Variants in BIN3 observed in about 807,000 individuals in gnomAD.
BIN3 encodes bridging integrator 3.
BIN3 carries 41 observed loss-of-function variants against 38.2 expected under a neutral mutation model. The observed-to-expected ratio is 1.07, with a 90% CI of 0.84 to 1.39. The LOEUF (loss-of-function observed/expected upper bound fraction) is 1.39, where lower values mean the gene tolerates loss of function less well. BIN3 is among the 40% of genes most tolerant of loss of function. The probability of loss-of-function intolerance (pLI) is 0.00; values close to 1 mark genes in which losing one functional copy is unlikely to be tolerated. For synonymous variants in BIN3, 145 were observed against 122.6 expected (o/e 1.18, Z -1.21); for missense variants, 361 against 324.3 (o/e 1.11, Z -0.87).
At chr8:22,648,136 CA>C (rs55869105) in intron 1 of BIN3, among the ~76,000 whole-genome samples, 4,975 of 102,262 alleles carry the variant, frequency 0.049, 288 homozygotes, top group African/African-American at 0.18. Context: ...CTCCGTCTCT[CA>C]AAAAAAAAAA....
intron 2 of BIN3, among the ~76,000 whole-genome samples, chr8:22,637,613 C>T (rs1487520186): frequency 6.6e-6 from 1 of 152,174 alleles, no homozygotes; most frequent in Non-Finnish European, 1.5e-5. Flanking sequence ...GTCCTGAACC[C>T]GGGGCTGCAC....
At chr8:22,626,400 C>G (rs1802005422) in intron 6 of BIN3, 1 of 152,318 alleles carries the variant, frequency 6.6e-6, no homozygotes, top group Admixed American at 6.5e-5. Flanking sequence ...AGCCCTGCCC[C>G]CTTCCTGGGC....
At chr8:22,645,588 G>A (rs1305250051) in intron 1 of BIN3, among the ~76,000 whole-genome samples, 1 of 134,756 alleles carries the variant, frequency 7.4e-6, no homozygotes, top group Admixed American at 6.9e-5. Context: ...GAGGATGGCA[G>A]GAAAGGGAAG....
chr8:22,658,271 A>G (rs544143669), intron 1 of BIN3, among the ~76,000 whole-genome samples: 42 of 152,106 alleles, frequency 2.8e-4, no homozygotes, highest in Non-Finnish European at 5.3e-4. Flanking sequence ...CCACCGCAAA[A>G]AAGAAAAAAA....
At chr8:22,655,788 T>C (rs1803040264) in intron 1 of BIN3, among the ~76,000 whole-genome samples, 1 of 152,202 alleles carries the variant, frequency 6.6e-6, no homozygotes, top group South Asian at 2.1e-4. Context: ...TTTTTTATAT[T>C]TAAATCTTTG....
chr8:22,663,591 C>T, intron 1 of BIN3, among the ~76,000 whole-genome samples: 1 of 152,154 alleles, frequency 6.6e-6, no homozygotes, highest in Non-Finnish European at 1.5e-5. Flanking sequence ...CAAAAGCCTT[C>T]AATTTCCAAA....
intron 8 of BIN3, 97 bp from the exon 9 acceptor site, chr8:22,621,665 A>C (rs749277041): frequency 4.9e-4 from 634 of 1,284,690 alleles, no homozygotes; most frequent in Non-Finnish European, 6.2e-4. Context: ...CCCTGCCCTT[A>C]CCCATCTGGA....
intron 4 of BIN3, 132 bp downstream of exon 4, chr8:22,636,393 G>T: frequency 1.1e-6 from 1 of 885,450 alleles, no homozygotes; most frequent in Non-Finnish European, 1.8e-6. Flanking sequence ...CTGCCCTGAG[G>T]CTGCTTCTCA....
chr8:22,639,883 C>T lies in BIN3; in HGVS notation c.58-2921G>A, dbSNP rs191993876. Reference sequence around the variant, plus strand: ...ACACTTTTTTTTTTTTCTTTTGAGGCGGAGTTTCGCTCTTGTCACCCAGGC... The same window carrying T: ...ACACTTTTTTTTTTTTCTTTTGAGGTGGAGTTTCGCTCTTGTCACCCAGGC... On this transcript the variant is annotated intron_variant, in intron 2 of 8. Coordinates refer to ENST00000276416, the MANE Select transcript of BIN3 (RefSeq NM_018688.6). Among the ~76,000 whole-genome samples, 132 of 151,038 alleles carry T rather than the reference C, an allele frequency of 8.7e-4. 4 individuals carry two copies. Among genetic ancestry groups the T allele is most frequent in the East Asian group, 4.7e-3 (24 of 5,146 alleles).
chr8:22,665,860 C>A (rs543855146), intron 1 of BIN3, among the ~76,000 whole-genome samples: 83 of 152,134 alleles, frequency 5.5e-4, no homozygotes, highest in African/African-American at 1.8e-3. Context: ...GGTAGAAGAC[C>A]CCGGAAGAGT....
At chr8:22,634,532 T>C (rs1251243255) in intron 4 of BIN3, 1 of 455,442 alleles carries the variant, frequency 2.2e-6, no homozygotes, top group Non-Finnish European at 4.4e-6. Flanking sequence ...GGAGCTGGCA[T>C]AAAATGGGAA....
intron 1 of BIN3, among the ~76,000 whole-genome samples, chr8:22,658,177 G>A (rs535741690): frequency 1.1e-4 from 17 of 152,286 alleles, no homozygotes; most frequent in African/African-American, 3.4e-4. Flanking sequence ...GCACCAGAGG[G>A]CAGGAGAAGA....
At chr8:22,625,533 A>C in intron 6 of BIN3, 1 of 654,146 alleles carries the variant, frequency 1.5e-6, no homozygotes. Flanking sequence ...GTCAGGTTCC[A>C]GGAGCTCAGC....
intron 4 of BIN3, among the ~76,000 whole-genome samples, chr8:22,631,339 T>C (rs1424610637): frequency 6.6e-6 from 1 of 151,826 alleles, no homozygotes; most frequent in Non-Finnish European, 1.5e-5. Flanking sequence ...CTGTTCCTGC[T>C]CCCCCAGAAT....
chr8:22,634,795 G>A (rs1045357238), intron 4 of BIN3, among the ~76,000 whole-genome samples: 1 of 152,164 alleles, frequency 6.6e-6, no homozygotes, highest in Non-Finnish European at 1.5e-5. Flanking sequence ...GGCGGGCACG[G>A]GGGTGGGCAA....
chr8:22,638,442 TC>T (rs1436053012), intron 2 of BIN3, among the ~76,000 whole-genome samples: 1 of 152,240 alleles, frequency 6.6e-6, no homozygotes, highest in African/African-American at 2.4e-5. Context: ...CAACATTCAT[TC>T]CTACGAACAT....
At chr8:22,655,296 T>G (rs1333692636) in intron 1 of BIN3, among the ~76,000 whole-genome samples, 1 of 147,656 alleles carries the variant, frequency 6.8e-6, no homozygotes, top group Admixed American at 6.6e-5. Flanking sequence ...GTCCAATTTA[T>G]CTGTTTTTTC....
intron 1 of BIN3, among the ~76,000 whole-genome samples, chr8:22,659,181 A>C (rs1323465498): frequency 6.6e-6 from 1 of 152,202 alleles, no homozygotes; most frequent in Non-Finnish European, 1.5e-5. Context: ...AAGGCCAAGG[A>C]AAGTTCAGCC....
intron 5 of BIN3, 71 bp downstream of exon 5, chr8:22,630,371 C>T (rs961474098): frequency 1.3e-5 from 21 of 1,588,598 alleles, no homozygotes; most frequent in South Asian, 8.0e-5. Context: ...CGGGCCTCCC[C>T]GCACAGTCCA....
Sources: gnomAD v4.1 joint callset for allele counts (sites outside exome capture counted in the v4.1 genomes callset) on GRCh38, gnomAD v4.1.1 for gene constraint, MANE v1.5 for transcripts, NCBI Gene and HGNC (gene_info 2026-07-23, HGNC 2026-07-21) for gene names.